Variants in PLEC observed in about 807,000 individuals in gnomAD.
PLEC encodes plectin.
In PLEC, 216 loss-of-function variants were observed where a neutral mutation model predicts 392.8. That is an observed-to-expected ratio of 0.55 (90% CI 0.49 to 0.62). PLEC has a LOEUF of 0.62. PLEC is among the 20% of genes least tolerant of loss of function. The pLI is 0.00. For missense variants in PLEC, 6,863 were observed against 6,563.4 expected (o/e 1.05, Z -1.58); for synonymous variants, 3,621 against 2,980.6 (o/e 1.21, Z -7.00).
Position 143,932,017 on chromosome 8 carries a change from G to A in PLEC, c.2098C>T (p.Leu700=), listed in dbSNP as rs1554716100. The change falls in exon 18 of 32, where the codon CTG becomes TTG. Residue 700 remains leucine (L), a synonymous_variant. Transcript: ENST00000345136. ...RPTVESFQAA[L]QTQWSWMLQL... Reference sequence around the variant, plus strand: ...AGCATCCAGCTCCACTGCGTCTGCAGGGCCGCCTGGAAGGACTGCGGGACA... The same window carrying A: ...AGCATCCAGCTCCACTGCGTCTGCAAGGCCGCCTGGAAGGACTGCGGGACA... 6 of 1,602,676 alleles carry A rather than the reference G, an allele frequency of 3.7e-6. No individual in the cohort carries two copies. Among genetic ancestry groups the A allele is most frequent in the Non-Finnish European group, 5.1e-6 (6 of 1,175,658 alleles).
Position 143,922,425 on chromosome 8 carries a change from C to T in PLEC, c.7426-30G>A, listed in dbSNP as rs782793005. 3.7e-5 allele frequency: 59 copies of T among 1,600,422 alleles called. 1 individual carries two copies. In the South Asian group the frequency reaches 4.6e-4, roughly 13 times the overall value. ...AGAAGAAGAGGGTGTGATCAGGGAC[C>T]GCCAGCCCAGGAGCACCCATCACCC... On this transcript the variant is annotated intron_variant, in intron 31 of 31. Coordinates refer to ENST00000345136, the MANE Select transcript of PLEC (RefSeq NM_201384.3).
chr8:143,935,334 G>C (rs782022640), intron 6 of PLEC, 21 bp from the exon 7 acceptor site: 11 of 1,566,020 alleles, frequency 7.0e-6, no homozygotes, highest in Non-Finnish European at 9.6e-6. Flanking sequence ...CAGGTGGCTG[G>C]TCAGGTGGGT....
chr8:143,963,114 T>A (rs1382111117), intron 1 of PLEC, among the ~76,000 whole-genome samples: 1 of 152,112 alleles, frequency 6.6e-6, no homozygotes, highest in Non-Finnish European at 1.5e-5. Context: ...TGGCTCCCTG[T>A]GACATACAGG....
upstream of PLEC, among the ~76,000 whole-genome samples, chr8:143,940,013 C>T (rs1354000530): frequency 6.6e-6 from 1 of 152,256 alleles, no homozygotes; most frequent in Admixed American, 6.5e-5. Context: ...TGCCCACCCA[C>T]CCTGCCAGGG....
chr8:143,927,956 C>T lies in PLEC; in HGVS notation c.3297G>A (p.Gln1099=), dbSNP rs1361399161. ...KTISLVIRGT[Q]GAEEVLRAHE... ...GGGCCCTGAGCACCTCCTCGGCCCC[C>T]TGCGTGCCGCGGATCACCAGGCTGA... Residue 1099 remains glutamine, a synonymous_variant, in exon 26 of 32, where the codon CAG becomes CAA. Coordinates refer to ENST00000345136, the MANE Select transcript of PLEC (RefSeq NM_201384.3). The T allele has an allele frequency of 6.2e-7, 1 of 1,601,390 alleles. No homozygotes were observed. Among genetic ancestry groups the T allele is most frequent in the Non-Finnish European group, 8.5e-7 (1 of 1,172,204 alleles).
intron 1 of PLEC, among the ~76,000 whole-genome samples, chr8:143,968,374 A>C (rs540927191): frequency 6.6e-6 from 1 of 152,106 alleles, no homozygotes; most frequent in African/African-American, 2.4e-5. Context: ...GTTTGAGACC[A>C]GCCTGGCCAA....
At chr8:143,952,064 G>T (rs1193528811), upstream of PLEC, among the ~76,000 whole-genome samples, 1 of 152,192 alleles carries the variant, frequency 6.6e-6, no homozygotes, top group East Asian at 1.9e-4. Context: ...GGGGGAGTGG[G>T]AGAGAGGGGG....
At position 143,924,715 on chromosome 8, in the gene PLEC, C is replaced by A. The variant is rs1824291966; in HGVS notation, c.5214G>T (p.Arg1738=). 1 of 1,534,338 alleles carries A rather than the reference C, an allele frequency of 6.5e-7. No homozygotes were observed. Among genetic ancestry groups the A allele is most frequent in the African/African-American group, 1.4e-5 (1 of 72,974 alleles). The part of the protein sequence containing the change: ...QRQLLEEELA[R]LQREAAAATQ... ...TGGCTGCAGCCGCCTCACGCTGCAG[C>A]CGGGCCAGCTCCTCCTCCAGCAGCT... Residue 1738 remains arginine, a synonymous_variant, in exon 31 of 32, where the codon CGG becomes CGT. Transcript: ENST00000345136.
upstream of PLEC, among the ~76,000 whole-genome samples, chr8:143,955,114 T>C (rs535455100): frequency 2.0e-5 from 3 of 152,074 alleles, no homozygotes; most frequent in African/African-American, 7.2e-5. Flanking sequence ...ACTCAGCCAG[T>C]TGGGGTGTGG....
chr8:143,932,759 AC>A (rs782672574), intron 14 of PLEC, 33 bp downstream of exon 14: 7 of 1,609,082 alleles, frequency 4.4e-6, no homozygotes, highest in Non-Finnish European at 5.9e-6. Flanking sequence ...GGCCCGGCCC[AC>A]CCCCGCACTG....
In PLEC at chr8:143,921,591, G is replaced by C; in HGVS notation, c.8230C>G (p.Arg2744Gly). 6.2e-7 allele frequency: 1 copy of C among 1,612,624 alleles called. No homozygotes were observed. The highest frequency in any genetic ancestry group is 8.5e-7 in the Non-Finnish European group (1 of 1,179,620). The stretch of plus-strand genomic sequence containing the variant: ...TCGTTGACGGTCAGCCGCCGGTTCC[G>C]CACAGGGTCCAGCAGGAAGCCTGAG... Reference protein sequence around the residue: ...AASGFLLDPVRNRRLTVNEAV... With the variant: ...AASGFLLDPVGNRRLTVNEAV... The change falls in exon 32 of 32, where the codon CGG (arginine) becomes GGG (glycine). Residue 2744 changes from arginine (R) to glycine (G), a missense_variant. Transcript: ENST00000345136.
rs868910525 is a variant in PLEC at position 143,925,165 on chromosome 8, C to A, written c.4764G>T (p.Lys1588Asn). ...LQSKRASFAEKTAQLERSLQE... is the reference protein window; with the variant it reads ...LQSKRASFAENTAQLERSLQE... ...GCAGGGAGCGCTCCAGCTGTGCCGT[C>A]TTCTCGGCGAAGGAGGCGCGTTTGC... is the stretch of plus-strand genomic sequence containing the variant. Residue 1588 changes from lysine (K) to asparagine (N), a missense_variant, in exon 31 of 32, where the codon AAG becomes AAT. By Grantham distance (94) the Lys-to-Asn change is moderately conservative. Coordinates refer to ENST00000345136, the MANE Select transcript of PLEC (RefSeq NM_201384.3). The A allele has an allele frequency of 3.8e-6, 6 of 1,561,228 alleles. No individual in the cohort carries two copies. In the Middle Eastern group the frequency reaches 8.7e-4, roughly 227 times the overall value.
rs782454851 is a variant in PLEC, at chr8:143,920,452, G to A, written c.9369C>T (p.Gly3123=). Residue 3123 remains glycine, a synonymous_variant, in exon 32 of 32, where the codon GGC becomes GGT. Transcript: ENST00000345136. ...SVSLFQALKK[G]LIPREQGLRL... is the part of the protein sequence containing the mutation. Reference sequence around the variant, plus strand: ...GCAGGCCCTGCTCCCGGGGAATGAGGCCCTTCTTCAGGGCCTGGAACAGGG... The same window carrying A: ...GCAGGCCCTGCTCCCGGGGAATGAGACCCTTCTTCAGGGCCTGGAACAGGG... 6.2e-7 allele frequency: 1 copy of A among 1,601,066 alleles called. No homozygotes were observed. The highest frequency in any genetic ancestry group is 1.7e-5 in the Admixed American group (1 of 59,560).
chr8:143,925,223 G>C lies in PLEC; in HGVS notation c.4706C>G (p.Thr1569Arg). Residue 1569 changes from threonine (T) to arginine (R), a missense_variant, in exon 31 of 32, where the codon ACG becomes AGG. Transcript: ENST00000345136. ...RARQVQVALE[T>R]AQRSAEAELQ... ...CTCCGCCTCTGCACTGCGCTGCGCC[G>C]TCTCCAGGGCCACCTGTACCTGCCG... 6.3e-7 allele frequency: 1 copy of C among 1,588,386 alleles called. No individual in the cohort carries two copies. The highest frequency in any genetic ancestry group is 8.5e-7 in the Non-Finnish European group (1 of 1,175,596).
At chr8:143,959,678 G>C (rs1168992314) in intron 1 of PLEC, among the ~76,000 whole-genome samples, 2 of 152,266 alleles carry the variant, frequency 1.3e-5, no homozygotes, top group African/African-American at 2.4e-5. Context: ...GCAGTACCTA[G>C]CCAGCAACTT....
Position 143,964,897 on chromosome 8 carries a change from T to C in PLEC, c.70+8506A>G, listed in dbSNP as rs1411723322. Among the ~76,000 whole-genome samples, 4 of 152,170 alleles carry C rather than the reference T, an allele frequency of 2.6e-5. No individual in the cohort carries two copies. The East Asian group carries it at 7.7e-4, about 29-fold the overall frequency. On this transcript the variant is annotated intron_variant, in intron 1 of 31. Coordinates refer to the PLEC transcript ENST00000356346. The stretch of plus-strand genomic sequence containing the variant: ...GAAAAACAGAGCAGAATAAAAATCA[T>C]AAAAGCCACAACCAGAGACCTTTAC...
chr8:143,921,998 G>A lies in PLEC; in HGVS notation c.7823C>T (p.Ala2608Val), dbSNP rs370351676. 170 of 1,598,246 alleles carry A rather than the reference G, an allele frequency of 1.1e-4. No individual in the cohort carries two copies. Among genetic ancestry groups the A allele is most frequent in the South Asian group, 1.0e-3 (93 of 90,978 alleles). ...AGTGACCTCCTCTGAGTGCGCCAGC[G>A]CGGCCCGGTGCTGCTCCTCCAGGAG... ...LQLLEEQHRA[A>V]LAHSEEVTAS... The change falls in exon 32 of 32, where the codon GCG becomes GTG. Residue 2608 changes from alanine to valine, a missense_variant. Transcript: ENST00000345136.
At chr8:143,943,546 C>T (rs1830892014), upstream of PLEC, among the ~76,000 whole-genome samples, 1 of 152,238 alleles carries the variant, frequency 6.6e-6, no homozygotes, top group South Asian at 2.1e-4. Flanking sequence ...GCCTCCGCTT[C>T]CACCCACCTG....
At chr8:143,959,307 T>C (rs2132849540) in intron 1 of PLEC, among the ~76,000 whole-genome samples, 1 of 152,298 alleles carries the variant, frequency 6.6e-6, no homozygotes, top group Admixed American at 6.5e-5. Flanking sequence ...ACCCGAGAGA[T>C]TTCTTTAGGC....
Sources: gnomAD v4.1 joint callset for allele counts (sites outside exome capture counted in the v4.1 genomes callset) on GRCh38, gnomAD v4.1.1 for gene constraint, MANE v1.5 for transcripts, NCBI Gene and HGNC (gene_info 2026-07-23, HGNC 2026-07-21) for gene names.